Variants in EFCAB6 observed in about 807,000 individuals in gnomAD.
EFCAB6 encodes EF-hand calcium-binding domain-containing protein 6.
EFCAB6 carries 156 observed loss-of-function variants against 169.8 expected under a neutral mutation model. The observed-to-expected ratio is 0.92, with a 90% CI of 0.81 to 1.05. EFCAB6 has a LOEUF of 1.05. Among genes scored for constraint, EFCAB6 ranks in the 50% least tolerant of loss-of-function variants. EFCAB6 has a pLI of 0.00. For missense variants in EFCAB6, 1,800 were observed against 1,829.1 expected (o/e 0.98, Z 0.29); for synonymous variants, 698 against 676.4 (o/e 1.03, Z -0.50).
chr22:43,765,927 T>C (rs1253620371), intron 4 of EFCAB6, among the ~76,000 whole-genome samples: 1 of 152,224 alleles, frequency 6.6e-6, no homozygotes, highest in Non-Finnish European at 1.5e-5. Context: ...CTGACATTGA[T>C]AGGTGCACTG....
At chr22:43,569,602 C>T (rs150295492) in intron 26 of EFCAB6, among the ~76,000 whole-genome samples, 19 of 152,294 alleles carry the variant, frequency 1.2e-4, no homozygotes, top group African/African-American at 3.6e-4. Context: ...GGGTGGCCTG[C>T]GATAATACTC....
At chr22:43,647,656 T>C (rs2056246642) in intron 17 of EFCAB6, among the ~76,000 whole-genome samples, 1 of 152,200 alleles carries the variant, frequency 6.6e-6, no homozygotes, top group Admixed American at 6.5e-5. Context: ...TCGTGCTGGA[T>C]GAGAGTAGTA....
At chr22:43,551,243 A>C (rs2048360613) in intron 27 of EFCAB6, among the ~76,000 whole-genome samples, 1 of 152,214 alleles carries the variant, frequency 6.6e-6, no homozygotes, top group African/African-American at 2.4e-5. Flanking sequence ...GTCCCCAGCA[A>C]AGTAACTCAT....
chr22:43,608,519 G>C lies in EFCAB6; in HGVS notation c.2644C>G (p.Pro882Ala), dbSNP rs756730044. The C allele has an allele frequency of 6.2e-7, 1 of 1,614,134 alleles. No homozygotes were observed. Among genetic ancestry groups the C allele is most frequent in the Non-Finnish European group, 8.5e-7 (1 of 1,180,020 alleles). Reference protein sequence around the residue: ...IKNALYGFDIPLTPREFEKLW... With the variant: ...IKNALYGFDIALTPREFEKLW... Reference sequence around the variant, plus strand: ...TTTTCAAACTCTCTTGGTGTGAGGGGAATATCAAAACCGTACAGTGCGTTC... The same window carrying C: ...TTTTCAAACTCTCTTGGTGTGAGGGCAATATCAAAACCGTACAGTGCGTTC... Residue 882 changes from proline (P) to alanine (A), a missense_variant, in exon 22 of 32, where the codon CCC (proline) becomes GCC (alanine). Transcript: ENST00000262726.
At chr22:43,570,614 T>C (rs1328508503) in intron 26 of EFCAB6, among the ~76,000 whole-genome samples, 3 of 149,324 alleles carry the variant, frequency 2.0e-5, no homozygotes, top group Non-Finnish European at 3.0e-5. Flanking sequence ...GGTGTTCTCT[T>C]TTTTTTTTTT....
Position 43,668,904 on chromosome 22 carries a change from T to C in EFCAB6, c.1782A>G (p.Lys594=). ...KDQLLSEHLQ[K]DEQQQPDLSE... is the part of the protein sequence containing the mutation. ...AAAGATCTGGCTGCTGCTGTTCATCTTTTTGTAAATGTTCACTTAACAGCT... is the reference window on the plus strand; with the variant it reads ...AAAGATCTGGCTGCTGCTGTTCATCCTTTTGTAAATGTTCACTTAACAGCT... Residue 594 remains lysine (K), a synonymous_variant, in exon 16 of 32, where the codon AAA becomes AAG. Coordinates refer to ENST00000262726, the MANE Select transcript of EFCAB6 (RefSeq NM_022785.4). 6.2e-7 allele frequency: 1 copy of C among 1,608,304 alleles called. No homozygotes were observed. Among genetic ancestry groups the C allele is most frequent in the Non-Finnish European group, 8.5e-7 (1 of 1,177,528 alleles).
intron 6 of EFCAB6, among the ~76,000 whole-genome samples, chr22:43,751,195 A>T (rs1038119378): frequency 6.6e-6 from 1 of 152,052 alleles, no homozygotes; most frequent in Non-Finnish European, 1.5e-5. Context: ...TGAAGAACGT[A>T]TTTTTTTTGT....
intron 2 of EFCAB6, among the ~76,000 whole-genome samples, chr22:43,788,205 G>A (rs1457649901): frequency 6.6e-6 from 1 of 152,102 alleles, no homozygotes; most frequent in African/African-American, 2.4e-5. Flanking sequence ...CAAAAACACA[G>A]GCAACTAAAG....
At chr22:43,619,321 G>T (rs1444950094) in intron 20 of EFCAB6, among the ~76,000 whole-genome samples, 1 of 152,204 alleles carries the variant, frequency 6.6e-6, no homozygotes, top group Non-Finnish European at 1.5e-5. Context: ...TAGGCTGATT[G>T]CCTGCTAAAA....
At chr22:43,559,792 C>T (rs1191713398) in intron 26 of EFCAB6, among the ~76,000 whole-genome samples, 2 of 151,474 alleles carry the variant, frequency 1.3e-5, no homozygotes, top group African/African-American at 4.9e-5. Context: ...TGTTCTCACT[C>T]ATAAGTGGGA....
At chr22:43,593,316 C>T (rs1231274571) in intron 23 of EFCAB6, among the ~76,000 whole-genome samples, 1 of 152,138 alleles carries the variant, frequency 6.6e-6, no homozygotes, top group Non-Finnish European at 1.5e-5. Context: ...TCTTGCAGCT[C>T]GCAGTTCTTT....
chr22:43,781,677 C>T lies in EFCAB6; in HGVS notation c.139+503G>A, dbSNP rs116476955. Among the ~76,000 whole-genome samples, 318 of 152,134 alleles carry T rather than the reference C, an allele frequency of 2.1e-3. 1 individual carries two copies. The highest frequency in any genetic ancestry group is 7.3e-3 in the African/African-American group (304 of 41,502). ...TGTCTAAAACTAATACAATCTCCAC[C>T]ATCAAGAGTGAACCCTAATGTAAAC... On this transcript the variant is annotated intron_variant, in intron 3 of 31. Coordinates refer to ENST00000262726, the MANE Select transcript of EFCAB6 (RefSeq NM_022785.4).
chr22:43,612,646 C>T (rs895911149), intron 21 of EFCAB6, among the ~76,000 whole-genome samples: 1 of 152,160 alleles, frequency 6.6e-6, no homozygotes, highest in Non-Finnish European at 1.5e-5. Context: ...AATTCCAGCA[C>T]TTTGGGAGGC....
intron 4 of EFCAB6, 119 bp from the exon 5 acceptor site, chr22:43,765,512 C>A: frequency 1.5e-6 from 1 of 666,812 alleles, no homozygotes; most frequent in East Asian, 2.9e-5. Flanking sequence ...ATTAACAGGA[C>A]GAGCATTCCA....
intron 17 of EFCAB6, among the ~76,000 whole-genome samples, chr22:43,647,419 T>C (rs568195374): frequency 2.0e-5 from 3 of 152,354 alleles, no homozygotes; most frequent in South Asian, 2.1e-4. Context: ...ATTCTACAGA[T>C]GTTTTGAGCA....
In EFCAB6 at chr22:43,794,509, G is replaced by A. The variant is rs180973768; in HGVS notation, c.-7-12184C>T. 3.9e-5 allele frequency among the ~76,000 whole-genome samples: 6 copies of A among 152,274 alleles called. No individual in the cohort carries two copies. In the East Asian group the frequency reaches 1.2e-3, roughly 29 times the overall value. On this transcript the variant is annotated intron_variant, in intron 2 of 31. Coordinates refer to ENST00000262726, the MANE Select transcript of EFCAB6 (RefSeq NM_022785.4). The stretch of plus-strand genomic sequence containing the variant: ...TGTATGCATTTGCCTACATGCATGT[G>A]AGTGATTTGTGTGTATTCGTATGTA...
chr22:43,578,694 T>C (rs1450343060), intron 25 of EFCAB6, among the ~76,000 whole-genome samples: 3 of 147,346 alleles, frequency 2.0e-5, no homozygotes, highest in African/African-American at 7.6e-5. Context: ...GTGCAGGCAT[T>C]ATTCTGTACA....
chr22:43,748,306 C>A (rs2060635201), intron 6 of EFCAB6, among the ~76,000 whole-genome samples: 1 of 152,208 alleles, frequency 6.6e-6, no homozygotes, highest in South Asian at 2.1e-4. Flanking sequence ...TCTTTTCCGC[C>A]AGTCTACCTT....
chr22:43,534,551 G>A (rs1414899093), intron 30 of EFCAB6, 137 bp downstream of exon 30: 1 of 759,994 alleles, frequency 1.3e-6, no homozygotes, highest in Admixed American at 3.6e-5. Context: ...ACCTAAGCTG[G>A]GAGTTTGAGG....
Sources: gnomAD v4.1 joint callset for allele counts (sites outside exome capture counted in the v4.1 genomes callset) on GRCh38, gnomAD v4.1.1 for gene constraint, MANE v1.5 for transcripts, NCBI Gene and HGNC (gene_info 2026-07-23, HGNC 2026-07-21) for gene names.